Variants in SHANK2 observed in about 807,000 individuals in gnomAD.
SHANK2 encodes SH3 and multiple ankyrin repeat domains protein 2.
Under a neutral mutation model 133.7 loss-of-function variants are expected in SHANK2, and 43 were observed. That is an observed-to-expected ratio of 0.32 (90% CI 0.25 to 0.41). The LOEUF (loss-of-function observed/expected upper bound fraction) is 0.41. SHANK2 is among the 10% of genes least tolerant of loss of function. The pLI, the probability that SHANK2 is intolerant of heterozygous loss-of-function variation, is 1.00. For synonymous variants in SHANK2, 1,017 were observed against 952.8 expected (o/e 1.07, Z -1.24); for missense variants, 1,994 against 2,235.8 (o/e 0.89, Z 2.18).
chr11:70,717,147 C>T lies in SHANK2; in HGVS notation c.1778-18384G>A, dbSNP rs145646868. 1.2e-3 allele frequency among the ~76,000 whole-genome samples: 190 copies of T among 152,330 alleles called. 1 individual carries two copies. In the East Asian group the frequency reaches 0.031, roughly 25 times the overall value. On this transcript the variant is annotated intron_variant, in intron 14 of 25. Coordinates refer to ENST00000601538, the MANE Select transcript of SHANK2 (RefSeq NM_012309.5). The stretch of plus-strand genomic sequence containing the variant: ...TCTTTGGAGAAAGGCAGGCTGCACT[C>T]GGGAGCAGGCACGCTGCCCCAGGCC...
At chr11:70,763,400 T>C (rs1414362778) in intron 14 of SHANK2, among the ~76,000 whole-genome samples, 2 of 152,124 alleles carry the variant, frequency 1.3e-5, no homozygotes, top group Non-Finnish European at 2.9e-5. Flanking sequence ...ATAACTGTGC[T>C]GCCCTGAGGA....
At chr11:70,716,032 C>G (rs1555027175) in intron 14 of SHANK2, among the ~76,000 whole-genome samples, 1 of 152,138 alleles carries the variant, frequency 6.6e-6, no homozygotes, top group Non-Finnish European at 1.5e-5. Context: ...CCTCCAACAC[C>G]CACTGCCTAA....
chr11:71,177,782 T>G (rs1953475537), intron 2 of SHANK2, among the ~76,000 whole-genome samples: 1 of 151,892 alleles, frequency 6.6e-6, no homozygotes, highest in Non-Finnish European at 1.5e-5. Context: ...TTTCTCCAAA[T>G]AAAATATGCA....
chr11:70,495,818 G>T (rs1163721157), intron 21 of SHANK2: 2 of 197,112 alleles, frequency 1.0e-5, no homozygotes, highest in Admixed American at 5.6e-5. Flanking sequence ...CAGGTGGCGA[G>T]CTCTGGGGGC....
At chr11:70,910,991 C>G (rs1297432169) in intron 10 of SHANK2, 4 of 456,990 alleles carry the variant, frequency 8.8e-6, no homozygotes, top group Admixed American at 2.3e-5. Flanking sequence ...GCATCCCTCT[C>G]TAAACACCTC....
At chr11:70,632,535 T>C (rs1242882283) in intron 17 of SHANK2, among the ~76,000 whole-genome samples, 1 of 152,126 alleles carries the variant, frequency 6.6e-6, no homozygotes, top group African/African-American at 2.4e-5. Flanking sequence ...TTTCTCTCCT[T>C]GATAACAATC....
intron 15 of SHANK2, chr11:70,669,073 C>T (rs1156399616): frequency 6.6e-6 from 1 of 152,284 alleles, no homozygotes; most frequent in Non-Finnish European, 1.5e-5. Context: ...TGGAATGACT[C>T]AGGGTCAACT....
At chr11:70,866,528 G>A (rs565075326) in intron 11 of SHANK2, among the ~76,000 whole-genome samples, 39 of 152,250 alleles carry the variant, frequency 2.6e-4, no homozygotes, top group African/African-American at 8.4e-4. Flanking sequence ...TTGATGTTCC[G>A]GAAACTCAAA....
At chr11:70,763,973 T>G (rs1171717871) in intron 14 of SHANK2, among the ~76,000 whole-genome samples, 2 of 152,182 alleles carry the variant, frequency 1.3e-5, no homozygotes, top group African/African-American at 4.8e-5. Flanking sequence ...CACATTAAAC[T>G]GCATGTATTT....
chr11:70,575,619 C>G (rs2060106864), intron 17 of SHANK2, among the ~76,000 whole-genome samples: 1 of 151,142 alleles, frequency 6.6e-6, no homozygotes, highest in Admixed American at 6.6e-5. Context: ...CTTTATCATT[C>G]CCTCTGCCTC....
chr11:70,945,522 A>C lies in SHANK2; in HGVS notation c.1108-48955T>G, dbSNP rs1418512827. The stretch of plus-strand genomic sequence containing the variant: ...TGCCATCAGGGATGGTTTTCTCCAG[A>C]CTGCCACCTCACCACAACCACTTCT... On this transcript the variant is annotated intron_variant, in intron 10 of 25. Coordinates refer to ENST00000601538, the MANE Select transcript of SHANK2 (RefSeq NM_012309.5). Among the ~76,000 whole-genome samples the C allele has an allele frequency of 3.3e-5, 5 of 152,126 alleles. No homozygotes were observed. The East Asian group carries it at 9.7e-4, about 29-fold the overall frequency.
In SHANK2 at chr11:70,947,353, A is replaced by ATTT. The variant is rs71049955; in HGVS notation, c.1108-50789_1108-50787dup. Among the ~76,000 whole-genome samples, 529 of 133,058 alleles carry ATTT rather than the reference A, an allele frequency of 4.0e-3. 14 individuals carry two copies. The highest frequency in any genetic ancestry group is 6.9e-3 in the African/African-American group (245 of 35,348). 87.3% of individuals were successfully genotyped at this position (133,058 alleles called of 152,430 possible). ...ATGTGCTTAAGTAACTGACATCTAC[A>ATTT]TTTTTTTTTTTTTTTTTTGAGATGA... On this transcript the variant is annotated intron_variant, in intron 10 of 25. Transcript: ENST00000601538.
At chr11:70,845,968 G>A (rs1429803410) in intron 11 of SHANK2, among the ~76,000 whole-genome samples, 1 of 152,124 alleles carries the variant, frequency 6.6e-6, no homozygotes, top group Non-Finnish European at 1.5e-5. Flanking sequence ...GCTGTTCCCC[G>A]TCTCCCGACA....
intron 14 of SHANK2, among the ~76,000 whole-genome samples, chr11:70,755,092 G>A (rs1312407113): frequency 2.7e-5 from 4 of 149,206 alleles, no homozygotes; most frequent in Admixed American, 1.3e-4. Context: ...TTTTTTCTGA[G>A]ATGAAGTCTT....
At chr11:71,243,850 A>G (rs1333658234) in intron 1 of SHANK2, among the ~76,000 whole-genome samples, 1 of 152,224 alleles carries the variant, frequency 6.6e-6, no homozygotes, top group Non-Finnish European at 1.5e-5. Context: ...AAGACCTATG[A>G]CAAGCAGAGA....
chr11:71,084,071 G>A (rs1377817600), intron 8 of SHANK2, among the ~76,000 whole-genome samples: 1 of 151,882 alleles, frequency 6.6e-6, no homozygotes, highest in Non-Finnish European at 1.5e-5. Context: ...CTGGGTTCAT[G>A]CCATTCTCCT....
chr11:70,734,415 GAC>G (rs1467285257), intron 14 of SHANK2, among the ~76,000 whole-genome samples: 1 of 152,170 alleles, frequency 6.6e-6, no homozygotes, highest in African/African-American at 2.4e-5. Flanking sequence ...TGGGCCGCCT[GAC>G]TCCCATACCC....
At chr11:70,831,237 G>C (rs190644527) in intron 11 of SHANK2, among the ~76,000 whole-genome samples, 1 of 151,938 alleles carries the variant, frequency 6.6e-6, no homozygotes, top group Non-Finnish European at 1.5e-5. Context: ...TTGCCTGCCC[G>C]CACGCCCACC....
chr11:71,144,942 G>A (rs1294740115), intron 3 of SHANK2, among the ~76,000 whole-genome samples: 3 of 152,242 alleles, frequency 2.0e-5, no homozygotes, highest in Non-Finnish European at 2.9e-5. Flanking sequence ...GCAGAGGGAC[G>A]TGTCGGAACA....
Sources: allele counts gnomAD v4.1 joint callset (sites outside exome capture counted in the v4.1 genomes callset), GRCh38; gene constraint gnomAD v4.1.1; transcripts MANE v1.5; gene names NCBI Gene and HGNC (gene_info 2026-07-23, HGNC 2026-07-21).